The following RANBP17 variants were observed in gnomAD, a reference collection of about 807,000 sequenced individuals.
RANBP17 encodes RAN binding protein 17, also known as ran-binding protein 17.
A neutral mutation model predicts 141.2 loss-of-function variants in RANBP17; 158 were observed. That is an observed-to-expected ratio of 1.12 (90% CI 0.98 to 1.28). The LOEUF is 1.28. Among genes scored for constraint, RANBP17 ranks in the 50% most tolerant of loss-of-function variants. The probability of loss-of-function intolerance (pLI) is 0.00; values close to 1 mark genes in which losing one functional copy is unlikely to be tolerated. For synonymous variants in RANBP17, 430 were observed against 450.0 expected, an observed-to-expected ratio of 0.96 and a Z score of 0.56; for missense variants, 1,438 against 1,290.7, an observed-to-expected ratio of 1.11 and a Z score of -1.75.
intron 14 of RANBP17, among the ~76,000 whole-genome samples, chr5:171,164,675 A>G (rs953560325): frequency 2.0e-5 from 3 of 152,236 alleles, no homozygotes; most frequent in African/African-American, 7.2e-5. Flanking sequence ...ATCTGTAATA[A>G]TGATAATTCC....
chr5:170,883,256 T>C (rs1581045657), intron 3 of RANBP17, among the ~76,000 whole-genome samples: 1 of 152,334 alleles, frequency 6.6e-6, no homozygotes, highest in East Asian at 1.9e-4. Flanking sequence ...TATTATACTT[T>C]TCAATACACA....
chr5:171,187,342 A>T (rs943789556), intron 18 of RANBP17, among the ~76,000 whole-genome samples: 2 of 152,198 alleles, frequency 1.3e-5, no homozygotes, highest in Admixed American at 1.3e-4. Context: ...TAGGAAAATT[A>T]TCAAAATGTG....
chr5:171,222,929 G>A (rs140701523), intron 22 of RANBP17, among the ~76,000 whole-genome samples: 2,239 of 152,108 alleles, frequency 0.015, 23 homozygotes, highest in Non-Finnish European at 0.022. Context: ...GCACCCAGCC[G>A]TGATTCTAAT....
chr5:170,868,909 G>A (rs900945763), intron 1 of RANBP17, among the ~76,000 whole-genome samples: 1 of 152,138 alleles, frequency 6.6e-6, no homozygotes, highest in African/African-American at 2.4e-5. Flanking sequence ...TGCTTTATAC[G>A]TCTAGATAAT....
intron 22 of RANBP17, among the ~76,000 whole-genome samples, chr5:171,225,882 T>C (rs548173880): frequency 1.9e-4 from 29 of 152,308 alleles, no homozygotes; most frequent in African/African-American, 6.7e-4. Context: ...TTGATGTAAG[T>C]TTTTAATTTT....
intron 14 of RANBP17, among the ~76,000 whole-genome samples, chr5:170,979,467 G>A (rs183958866): frequency 2.6e-4 from 39 of 152,286 alleles, no homozygotes; most frequent in Middle Eastern, 3.4e-3. Flanking sequence ...GAATGATATG[G>A]TCTGGCTGTG....
chr5:171,023,552 CTCA>C (rs2127606623), intron 14 of RANBP17, among the ~76,000 whole-genome samples: 1 of 152,156 alleles, frequency 6.6e-6, no homozygotes, highest in South Asian at 2.1e-4. Context: ...AATGGATTCT[CTCA>C]TCTACTTTTT....
intron 14 of RANBP17, among the ~76,000 whole-genome samples, chr5:171,123,999 G>C (rs766519940): frequency 1.5e-4 from 23 of 152,050 alleles, no homozygotes; most frequent in Non-Finnish European, 2.8e-4. Flanking sequence ...TTCCAAAGGA[G>C]CACATTAATT....
chr5:171,122,271 T>C (rs903164358), intron 14 of RANBP17, among the ~76,000 whole-genome samples: 4 of 152,186 alleles, frequency 2.6e-5, no homozygotes, highest in African/African-American at 4.8e-5. Flanking sequence ...TGTTTATTTG[T>C]TGCCTTGTTT....
chr5:171,213,926 A>G (rs932112726), intron 21 of RANBP17, among the ~76,000 whole-genome samples, 188 bp downstream of exon 21: 2 of 152,186 alleles, frequency 1.3e-5, no homozygotes, highest in African/African-American at 4.8e-5. Context: ...AAAAAAGTAC[A>G]GTATACTTGG....
At chr5:171,177,316 A>G (rs1760550914) in intron 16 of RANBP17, among the ~76,000 whole-genome samples, 1 of 152,126 alleles carries the variant, frequency 6.6e-6, no homozygotes, top group Non-Finnish European at 1.5e-5. Context: ...TGTTTCACAA[A>G]ATTACGTACC....
At position 170,953,610 on chromosome 5, in the gene RANBP17, G is replaced by T. The variant is rs753744943; in HGVS notation, c.1482G>T (p.Trp494Cys). Residue 494 changes from tryptophan (W) to cysteine (C), a missense_variant, in exon 13 of 28, where the codon TGG becomes TGT. Transcript: ENST00000523189. ...DITIQEGRLA[W>C]LVYLVGTVVG... ...ATTCTATATTAGGACGTCTTGCATG[G>T]CTGGTATACTTAGTTGGGACAGTTG... 6.2e-7 allele frequency: 1 copy of T among 1,608,322 alleles called. No individual in the cohort carries two copies. The highest frequency in any genetic ancestry group is 1.1e-5 in the South Asian group (1 of 90,646).
At chr5:171,106,403 A>AT (rs1656148974) in intron 14 of RANBP17, among the ~76,000 whole-genome samples, 1 of 152,164 alleles carries the variant, frequency 6.6e-6, no homozygotes, top group African/African-American at 2.4e-5. Context: ...TTGAGGAACT[A>AT]TAAGATAGGG....
chr5:170,879,675 G>T (rs1221858531), intron 2 of RANBP17, among the ~76,000 whole-genome samples: 1 of 152,032 alleles, frequency 6.6e-6, no homozygotes, highest in Non-Finnish European at 1.5e-5. Context: ...AAGCCATTTC[G>T]TGTTGAACAA....
intron 13 of RANBP17, among the ~76,000 whole-genome samples, chr5:170,960,108 G>A (rs1776025020): frequency 6.6e-6 from 1 of 152,112 alleles, no homozygotes; most frequent in Non-Finnish European, 1.5e-5. Flanking sequence ...TGTTCTACTA[G>A]AGTAAGGGAA....
intron 14 of RANBP17, among the ~76,000 whole-genome samples, chr5:171,091,260 A>G (rs926344657): frequency 1.4e-4 from 22 of 152,036 alleles, no homozygotes; most frequent in African/African-American, 5.1e-4. Context: ...GTCAAAGGAG[A>G]TCATTTTGGA....
intron 14 of RANBP17, among the ~76,000 whole-genome samples, chr5:171,017,524 A>G (rs1780532344): frequency 6.6e-6 from 1 of 152,070 alleles, no homozygotes; most frequent in South Asian, 2.1e-4. Context: ...GTTTTTTTCC[A>G]TATGTTTGCT....
chr5:171,265,829 C>T lies in RANBP17; in HGVS notation c.2925C>T (p.Asn975=). ...GACTATTACATTTTATGCAGCAAAA[C>T]CCAGATGTCCTGCAGCAGGTAACTG... ...GQRLLHFMQQ[N]PDVLQQMMSV... Residue 975 remains asparagine, a synonymous_variant, in exon 25 of 28, where the codon AAC becomes AAT. Coordinates refer to ENST00000523189, the MANE Select transcript of RANBP17 (RefSeq NM_022897.5). 1 of 1,613,430 alleles carries T rather than the reference C, an allele frequency of 6.2e-7. No homozygotes were observed. The highest frequency in any genetic ancestry group is 8.5e-7 in the Non-Finnish European group (1 of 1,179,750).
intron 14 of RANBP17, among the ~76,000 whole-genome samples, chr5:170,986,774 G>A (rs1778171099): frequency 1.3e-5 from 2 of 152,010 alleles, no homozygotes; most frequent in Non-Finnish European, 2.9e-5. Context: ...GTACACATAT[G>A]AAGCAGCAGA....
Sources: allele counts gnomAD v4.1 joint callset (sites outside exome capture counted in the v4.1 genomes callset), GRCh38; gene constraint gnomAD v4.1.1; transcripts MANE v1.5; gene names NCBI Gene and HGNC (gene_info 2026-07-23, HGNC 2026-07-21).